The following CORIN variants were observed in gnomAD, a reference collection of about 807,000 sequenced individuals.
CORIN encodes the protein atrial natriuretic peptide-converting enzyme.
CORIN carries 117 observed loss-of-function variants against 125.3 expected under a neutral mutation model. That is an observed-to-expected ratio of 0.93 (90% CI 0.80 to 1.09). CORIN has a LOEUF of 1.09. CORIN is among the 50% of genes least tolerant of loss of function. The pLI is 0.00. For missense variants in CORIN, 1,253 were observed against 1,306.7 expected, an observed-to-expected ratio of 0.96 and a Z score of 0.63; for synonymous variants, 450 against 466.4, an observed-to-expected ratio of 0.96 and a Z score of 0.45.
At chr4:47,738,950 A>G (rs1389808569) in intron 5 of CORIN, among the ~76,000 whole-genome samples, 5 of 151,934 alleles carry the variant, frequency 3.3e-5, no homozygotes, top group Non-Finnish European at 7.4e-5. Flanking sequence ...AAGACTTAAC[A>G]GCAGACTTGA....
chr4:47,785,224 T>C (rs1247494665), intron 3 of CORIN, among the ~76,000 whole-genome samples: 1 of 152,208 alleles, frequency 6.6e-6, no homozygotes, highest in Non-Finnish European at 1.5e-5. Context: ...GTGGCTGTAC[T>C]GTGCTCTGAT....
chr4:47,743,888 A>G (rs1402774527), intron 5 of CORIN, among the ~76,000 whole-genome samples: 8 of 145,278 alleles, frequency 5.5e-5, no homozygotes, highest in East Asian at 2.0e-4. Flanking sequence ...CTGTCTCCAG[A>G]AAAAAAAAAA....
At chr4:47,825,235 A>G (rs1732689108) in intron 1 of CORIN, among the ~76,000 whole-genome samples, 1 of 152,206 alleles carries the variant, frequency 6.6e-6, no homozygotes, top group African/African-American at 2.4e-5. Flanking sequence ...TGTCCGGATC[A>G]GCGATGGAAA....
chr4:47,724,756 C>T lies in CORIN; in HGVS notation c.799+19646G>A, dbSNP rs530882687. Among the ~76,000 whole-genome samples, 10 of 152,270 alleles carry T rather than the reference C, an allele frequency of 6.6e-5. No homozygotes were observed. In the South Asian group the frequency reaches 1.9e-3, roughly 28 times the overall value. On this transcript the variant is annotated intron_variant, in intron 5 of 21. Transcript: ENST00000273857. ...AGAAAAAGCATTTGATAAAATTCAA[C>T]ATCTTTCATAATAAAAACTCCTAGA... is the stretch of plus-strand genomic sequence containing the variant.
intron 4 of CORIN, among the ~76,000 whole-genome samples, chr4:47,748,876 C>T (rs566463819): frequency 1.4e-4 from 22 of 152,086 alleles, no homozygotes; most frequent in African/African-American, 5.1e-4. Context: ...AGAAAATTTC[C>T]ATATATCCTT....
chr4:47,729,819 A>G (rs1727780579), intron 5 of CORIN, among the ~76,000 whole-genome samples: 2 of 152,192 alleles, frequency 1.3e-5, no homozygotes, highest in Admixed American at 6.5e-5. Context: ...TGAATATCGG[A>G]ACCAGCAGAT....
At chr4:47,670,414 T>C (rs1724694510) in intron 10 of CORIN, among the ~76,000 whole-genome samples, 1 of 152,244 alleles carries the variant, frequency 6.6e-6, no homozygotes, top group Admixed American at 6.5e-5. Flanking sequence ...TCTGTAACCA[T>C]TATAGTGATT....
At chr4:47,706,099 C>T (rs999743323) in intron 5 of CORIN, among the ~76,000 whole-genome samples, 26 of 152,144 alleles carry the variant, frequency 1.7e-4, no homozygotes, top group African/African-American at 5.8e-4. Context: ...GCTTTTTATA[C>T]ATTTTTACTA....
In CORIN at chr4:47,790,273, C is replaced by G. The variant is rs1008364116; in HGVS notation, c.209-3348G>C. 4.7e-6 allele frequency: 4 copies of G among 857,942 alleles called. No individual in the cohort carries two copies. The African/African-American group carries it at 5.5e-5, about 12-fold the overall frequency. The allele number at this position is 857,942 out of a possible 1,614,324, so 53.1% of individuals were successfully genotyped here. On this transcript the variant is annotated intron_variant, in intron 2 of 21. Coordinates refer to ENST00000273857, the MANE Select transcript of CORIN (RefSeq NM_006587.4). ...CAGCCAAGTAAAAATGGCTCCCCGG[C>G]AGAACCCCCGACTGGCCTGCGCACT...
intron 4 of CORIN, among the ~76,000 whole-genome samples, chr4:47,757,855 CACATATATAT>C (rs201281643): frequency 2.4e-5 from 3 of 123,668 alleles, no homozygotes; most frequent in East Asian, 2.0e-4. Flanking sequence ...AATGAGTTTA[CACATATATAT>C]ACATATATAT....
chr4:47,744,757 A>G (rs1728587497), intron 4 of CORIN, among the ~76,000 whole-genome samples, 174 bp from the exon 5 acceptor site: 1 of 152,202 alleles, frequency 6.6e-6, no homozygotes, highest in South Asian at 2.1e-4. Flanking sequence ...TAGCTATTCT[A>G]TGGTCTTGAT....
intron 4 of CORIN, among the ~76,000 whole-genome samples, chr4:47,761,480 TAC>T (rs142904418): frequency 0.023 from 3,295 of 143,992 alleles, 53 homozygotes; most frequent in Non-Finnish European, 0.035. Context: ...GAAAATGTGA[TAC>T]ACACACACAC....
At chr4:47,756,002 T>C (rs1012936309) in intron 4 of CORIN, among the ~76,000 whole-genome samples, 2 of 152,162 alleles carry the variant, frequency 1.3e-5, no homozygotes, top group Non-Finnish European at 2.9e-5. Context: ...GGGTATACAA[T>C]GATGTACAAA....
At chr4:47,821,104 G>C (rs961618589) in intron 1 of CORIN, among the ~76,000 whole-genome samples, 1 of 151,976 alleles carries the variant, frequency 6.6e-6, no homozygotes, top group African/African-American at 2.4e-5. Context: ...ATGTGGTGAC[G>C]TGTGCTTGTA....
chr4:47,675,580 T>C (rs1438160757), intron 9 of CORIN, among the ~76,000 whole-genome samples: 1 of 152,156 alleles, frequency 6.6e-6, no homozygotes, highest in East Asian at 1.9e-4. Context: ...GTGCATGCCA[T>C]GTGACAATCT....
intron 5 of CORIN, chr4:47,706,842 A>T (rs1160374354): frequency 1.3e-6 from 2 of 1,598,392 alleles, no homozygotes; most frequent in East Asian, 2.2e-5. Context: ...CCAGTCCACA[A>T]GCACAGGGAG....
At position 47,708,905 on chromosome 4, in the gene CORIN, A is replaced by G. The variant is rs73142074; in HGVS notation, c.800-15822T>C. ...ATGAGAATGTTCAAAAGACTGGGGA[A>G]TAATACTCTAAAATGTAAATAAATC... On this transcript the variant is annotated intron_variant, in intron 5 of 21. Coordinates refer to ENST00000273857, the MANE Select transcript of CORIN (RefSeq NM_006587.4). 2.3e-3 allele frequency among the ~76,000 whole-genome samples: 351 copies of G among 152,320 alleles called. 4 individuals are homozygous for G. The highest frequency in any genetic ancestry group is 7.7e-3 in the African/African-American group (322 of 41,566).
At chr4:47,656,849 G>A (rs546087548) in intron 12 of CORIN, among the ~76,000 whole-genome samples, 2 of 152,196 alleles carry the variant, frequency 1.3e-5, no homozygotes, top group Non-Finnish European at 2.9e-5. Flanking sequence ...AATTATTCTT[G>A]ATTGCAAATG....
intron 13 of CORIN, among the ~76,000 whole-genome samples, chr4:47,646,165 A>G (rs571630777): frequency 2.0e-5 from 3 of 152,174 alleles, no homozygotes; most frequent in African/African-American, 4.8e-5. Context: ...GTCAATGCAT[A>G]AGACTTATCT....
Sources: allele counts gnomAD v4.1 joint callset (sites outside exome capture counted in the v4.1 genomes callset), GRCh38; gene constraint gnomAD v4.1.1; transcripts MANE v1.5; gene names NCBI Gene and HGNC (gene_info 2026-07-23, HGNC 2026-07-21).